ACTN1: variants seen among roughly 807,000 people sequenced by gnomAD.
ACTN1 encodes the protein actinin alpha 1, also known as alpha-actinin-1.
A neutral mutation model predicts 119.6 loss-of-function variants in ACTN1; 30 were observed. The ratio of observed to expected loss-of-function variants is 0.25; its 90% CI spans 0.19 to 0.34. The LOEUF is 0.34. Among genes scored for constraint, ACTN1 ranks in the 10% least tolerant of loss-of-function variants. The pLI, the probability that ACTN1 is intolerant of heterozygous loss-of-function variation, is 1.00. For missense variants in ACTN1, 764 were observed against 1,223.4 expected, an observed-to-expected ratio of 0.62 and a Z score of 5.60; for synonymous variants, 429 against 472.6, an observed-to-expected ratio of 0.91 and a Z score of 1.20.
intron 8 of ACTN1, among the ~76,000 whole-genome samples, chr14:68,899,598 C>T (rs1021476351): frequency 2.6e-5 from 4 of 152,020 alleles, no homozygotes; most frequent in Admixed American, 2.6e-4. Flanking sequence ...CCACACACTC[C>T]TCAGAACCCC....
At chr14:68,875,194 C>A in intron 21 of ACTN1, 177 bp from the exon 22 acceptor site, 1 of 1,466,928 alleles carries the variant, frequency 6.8e-7, no homozygotes, top group Non-Finnish European at 9.1e-7. Context: ...ATACCGCATA[C>A]ACAACATGTA....
At position 68,899,113 on chromosome 14, in the gene ACTN1, ACAC is replaced by A. The variant is rs566129516; in HGVS notation, c.762+3361_762+3363del. On this transcript the variant is annotated intron_variant, in intron 8 of 21. Transcript: ENST00000394419. ...CACCCACAGCACACCATACCCCTCC[ACAC>A]CACAACCACACCACACCCACACCTC... Among the ~76,000 whole-genome samples the A allele has an allele frequency of 2.7e-3, 313 of 114,220 alleles. 1 individual carries two copies. Among genetic ancestry groups the A allele is most frequent in the Non-Finnish European group, 3.8e-3 (214 of 56,030 alleles). The allele number at this position is 114,220 out of a possible 152,430, so 74.9% of individuals were successfully genotyped here. A position where few individuals can be genotyped will look rare whatever the true frequency, so the allele number is the denominator to read the frequency against.
At chr14:68,946,501 G>A (rs971045949) in intron 1 of ACTN1, among the ~76,000 whole-genome samples, 1 of 152,134 alleles carries the variant, frequency 6.6e-6, no homozygotes. Flanking sequence ...AGGAAGAGGG[G>A]AGAAGTGGCA....
In ACTN1 at chr14:68,892,037, C is replaced by A. The variant is rs1297862901; in HGVS notation, c.1086+16G>T. The stretch of plus-strand genomic sequence containing the variant: ...GCAGTCCAGTCTGGGGGCCCAGGCT[C>A]ACCCCCAGTGCTCACCGAGACCATC... On this transcript the variant is annotated intron_variant, in intron 10 of 21. Coordinates refer to ENST00000394419, the MANE Select transcript of ACTN1 (RefSeq NM_001130004.2). 6.2e-7 allele frequency: 1 copy of A among 1,611,496 alleles called. No individual in the cohort carries two copies. The highest frequency in any genetic ancestry group is 1.3e-5 in the African/African-American group (1 of 74,818).
At chr14:68,962,924 C>T (rs2036586177) in intron 1 of ACTN1, among the ~76,000 whole-genome samples, 1 of 152,320 alleles carries the variant, frequency 6.6e-6, no homozygotes, top group Non-Finnish European at 1.5e-5. Flanking sequence ...CTGGTGCCTG[C>T]TACTGCCCTA....
chr14:68,944,271 C>A (rs2035858278), intron 1 of ACTN1, among the ~76,000 whole-genome samples: 1 of 152,220 alleles, frequency 6.6e-6, no homozygotes, highest in South Asian at 2.1e-4. Context: ...AAAGGGGCCA[C>A]CAAGCCGATG....
chr14:68,964,904 T>C (rs931315983), intron 1 of ACTN1, among the ~76,000 whole-genome samples: 2 of 152,126 alleles, frequency 1.3e-5, no homozygotes, highest in Non-Finnish European at 1.5e-5. Context: ...CATCAGAGTG[T>C]AAGGGCCCGC....
intron 1 of ACTN1, among the ~76,000 whole-genome samples, chr14:68,948,773 C>A (rs1046812274): frequency 2.0e-5 from 3 of 152,144 alleles, no homozygotes; most frequent in African/African-American, 7.2e-5. Context: ...GCTACCAGAC[C>A]AGCCACTACC....
intron 3 of ACTN1, among the ~76,000 whole-genome samples, chr14:68,915,472 C>T (rs2034239645): frequency 6.6e-6 from 1 of 152,188 alleles, no homozygotes; most frequent in Non-Finnish European, 1.5e-5. Context: ...TCTCTCTTTC[C>T]CCTCTAGAAT....
chr14:68,883,378 C>T (rs1198826893), intron 14 of ACTN1: 1 of 294,044 alleles, frequency 3.4e-6, no homozygotes, highest in Non-Finnish European at 6.4e-6. Context: ...TCCTTAGCTC[C>T]TGGCAAAACC....
chr14:68,928,192 A>G (rs1391828038), intron 1 of ACTN1, among the ~76,000 whole-genome samples: 3 of 152,164 alleles, frequency 2.0e-5, no homozygotes, highest in African/African-American at 7.2e-5. Context: ...TAAAGGAGGA[A>G]GAGGCTGCTG....
Position 68,904,872 on chromosome 14 carries a change from C to T in ACTN1, c.595-136G>A, listed in dbSNP as rs567439349. ...CCCCAGCTCGATCCTCAGGGGACAG[C>T]TCCAGATGTGGAAGGCTGGTCTCAC... On this transcript the variant is annotated intron_variant, in intron 6 of 21. Coordinates refer to ENST00000394419, the MANE Select transcript of ACTN1 (RefSeq NM_001130004.2). The T allele has an allele frequency of 1.2e-5, 8 of 653,982 alleles. 1 individual carries two copies. In the South Asian group the frequency reaches 1.3e-4, roughly 11 times the overall value. The allele number at this position is 653,982 out of a possible 1,614,324, so 40.5% of individuals were successfully genotyped here.
rs2030626183 is a variant in ACTN1, at chr14:68,874,634, T to C, written c.*225A>G. 1 of 395,598 alleles carries C rather than the reference T, an allele frequency of 2.5e-6. No homozygotes were observed. Among genetic ancestry groups the C allele is most frequent in the African/African-American group, 2.1e-5 (1 of 48,546 alleles). The allele number at this position is 395,598 out of a possible 1,614,324, so 24.5% of individuals were successfully genotyped here. A position where few individuals can be genotyped will look rare whatever the true frequency, so the allele number is the denominator to read the frequency against. ...TGGAGAAAAAATACTTTTTCTATAA[T>C]AAAATATGTAGTTTTTTGGTTTTTA... On this transcript the variant is annotated 3_prime_UTR_variant, in exon 22 of 22. Transcript: ENST00000394419.
chr14:68,891,039 A>C (rs1341498165), intron 10 of ACTN1, among the ~76,000 whole-genome samples: 1 of 152,216 alleles, frequency 6.6e-6, no homozygotes, highest in Non-Finnish European at 1.5e-5. Context: ...CTACTGATTC[A>C]GCCTTGGAGC....
At chr14:68,931,334 CAG>C (rs1454447392) in intron 1 of ACTN1, among the ~76,000 whole-genome samples, 1 of 152,216 alleles carries the variant, frequency 6.6e-6, no homozygotes, top group African/African-American at 2.4e-5. Context: ...CAGACAGAGG[CAG>C]AGCCCAGGGA....
intron 1 of ACTN1, among the ~76,000 whole-genome samples, chr14:68,967,170 AC>A (rs2036735278): frequency 6.6e-6 from 1 of 151,958 alleles, no homozygotes; most frequent in South Asian, 2.1e-4. Flanking sequence ...TCCAGGACAC[AC>A]CTCTTAGTCC....
rs548853843 is a variant in ACTN1, at chr14:68,922,171, C to T, written c.221-1046G>A. 5.3e-5 allele frequency among the ~76,000 whole-genome samples: 8 copies of T among 152,304 alleles called. No homozygotes were observed. The South Asian group carries it at 1.0e-3, about 20-fold the overall frequency. On this transcript the variant is annotated intron_variant, in intron 2 of 21. Transcript: ENST00000394419. ...GCCCCTTGTGCCTGCCCTGATATCC[C>T]GACCACACCCACTGTCTCCCCAGCA...
At chr14:68,887,937 C>CT in intron 11 of ACTN1, 4 of 897,084 alleles carry the variant, frequency 4.5e-6, no homozygotes, top group African/African-American at 1.7e-5. Context: ...TTTGTTTGCA[C>CT]TTTTTTGTCT....
At chr14:68,944,743 G>T (rs115861465) in intron 1 of ACTN1, among the ~76,000 whole-genome samples, 105 of 152,216 alleles carry the variant, frequency 6.9e-4, no homozygotes, top group African/African-American at 2.4e-3. Context: ...TAGATGAAAA[G>T]TTCGTAAATG....
Sources: gnomAD v4.1 joint callset for allele counts (sites outside exome capture counted in the v4.1 genomes callset) on GRCh38, gnomAD v4.1.1 for gene constraint, MANE v1.5 for transcripts, NCBI Gene and HGNC (gene_info 2026-07-23, HGNC 2026-07-21) for gene names.